The following ZDHHC15 variants were observed in gnomAD, a reference collection of about 807,000 sequenced individuals.
ZDHHC15 encodes the protein zDHHC palmitoyltransferase 15, also known as palmitoyltransferase ZDHHC15.
In ZDHHC15, 19 loss-of-function variants were observed where a neutral mutation model predicts 31.7. The ratio of observed to expected loss-of-function variants is 0.60; its 90% CI spans 0.42 to 0.88. The LOEUF (loss-of-function observed/expected upper bound fraction) is 0.88, where lower values mean the gene tolerates loss of function less well. Ranked by LOEUF, ZDHHC15 falls within the 40% of genes least tolerant of loss-of-function variation. The pLI, the probability that ZDHHC15 is intolerant of heterozygous loss-of-function variation, is 0.00. For missense variants in ZDHHC15, 209 were observed against 251.2 expected, an observed-to-expected ratio of 0.83 and a Z score of 1.14; for synonymous variants, 103 against 90.0, an observed-to-expected ratio of 1.14 and a Z score of -0.82.
chrX:75,444,652 A>G (rs1237179995), intron 4 of ZDHHC15, among the ~76,000 whole-genome samples: 1 of 9,453 alleles, frequency 1.1e-4, no homozygotes, highest in African/African-American at 1.6e-4. Context: ...ATATATATAT[A>G]TATATATATA....
chrX:75,400,266 C>T (rs2083342484), intron 10 of ZDHHC15, among the ~76,000 whole-genome samples: 1 of 111,187 alleles, frequency 9.0e-6, no homozygotes, highest in Non-Finnish European at 1.9e-5. Context: ...GATAAAATAG[C>T]CAGTATAAAA....
intron 4 of ZDHHC15, among the ~76,000 whole-genome samples, chrX:75,436,101 C>T (rs2147872837): frequency 9.0e-6 from 1 of 111,221 alleles, no homozygotes; most frequent in African/African-American, 3.3e-5. Context: ...ATTTATCCAT[C>T]TCCTCTAAAT....
chrX:75,396,089 C>T (rs988644392), intron 10 of ZDHHC15, among the ~76,000 whole-genome samples: 15 of 111,961 alleles, frequency 1.3e-4, no homozygotes, highest in Admixed American at 1.1e-3. Context: ...GAATTGGCAA[C>T]GATGTGTTGA....
intron 1 of ZDHHC15, 73 bp from the exon 2 acceptor site, chrX:75,505,920 G>C (rs758752164): frequency 1.0e-6 from 1 of 956,511 alleles, no homozygotes; most frequent in South Asian, 2.0e-5. Context: ...AGAGAAATTA[G>C]TTATATTTAA....
intron 4 of ZDHHC15, among the ~76,000 whole-genome samples, chrX:75,439,176 C>T (rs1192780186): frequency 3.6e-5 from 4 of 111,659 alleles, no homozygotes; most frequent in Non-Finnish European, 7.5e-5. Flanking sequence ...GTTCTTTGAG[C>T]TTCTGTATTT....
chrX:75,497,392 T>G (rs1422302076), intron 2 of ZDHHC15, among the ~76,000 whole-genome samples: 2 of 111,896 alleles, frequency 1.8e-5, no homozygotes. Flanking sequence ...CACAGCTGAA[T>G]TCTATCAGAC....
rs1201760551 is a variant in ZDHHC15, at chrX:75,437,159, G to A, written c.380-5639C>T. 5.4e-5 allele frequency among the ~76,000 whole-genome samples: 6 copies of A among 111,382 alleles called. No homozygotes were observed. The Admixed American group carries it at 5.7e-4, about 11-fold the overall frequency. ...GCCACCCAAAGTGCTGGGATTACAG[G>A]CCTGAGCCACCGCGCCAAGCCCCTG... On this transcript the variant is annotated intron_variant, in intron 4 of 11. Coordinates refer to ENST00000373367, the MANE Select transcript of ZDHHC15 (RefSeq NM_144969.3).
chrX:75,373,926 G>GTTTTTTTGTTTTTTT (rs2083028017), intron 11 of ZDHHC15, among the ~76,000 whole-genome samples: 1 of 50,454 alleles, frequency 2.0e-5, no homozygotes, highest in Non-Finnish European at 3.4e-5. Flanking sequence ...CATTCTTTCT[G>GTTTTTTTGTTTTTTT]TTTTTTTTTT....
intron 2 of ZDHHC15, among the ~76,000 whole-genome samples, chrX:75,486,911 G>T (rs761678363): frequency 5.4e-5 from 6 of 111,052 alleles, no homozygotes; most frequent in Non-Finnish European, 1.1e-4. Flanking sequence ...AACTGCCCTG[G>T]TTGCCAAAGA....
intron 10 of ZDHHC15, among the ~76,000 whole-genome samples, chrX:75,402,226 G>A (rs757367786): frequency 7.2e-5 from 8 of 111,801 alleles, no homozygotes; most frequent in Non-Finnish European, 1.5e-4. Flanking sequence ...GAATCTCTGG[G>A]ACACAGCTAG....
chrX:75,453,695 A>G (rs2084164829), intron 3 of ZDHHC15, among the ~76,000 whole-genome samples: 1 of 111,563 alleles, frequency 9.0e-6, no homozygotes, highest in South Asian at 3.9e-4. Context: ...CACCAAGATC[A>G]AATTGGCTTC....
At chrX:75,455,049 C>T (rs1370653529) in intron 3 of ZDHHC15, among the ~76,000 whole-genome samples, 9 of 111,318 alleles carry the variant, frequency 8.1e-5, no homozygotes, top group African/African-American at 2.0e-4. Flanking sequence ...AAAAAGAGCC[C>T]GAATTGCCAA....
chrX:75,508,400 G>GT (rs1197553616), intron 1 of ZDHHC15, among the ~76,000 whole-genome samples: 1 of 100,685 alleles, frequency 9.9e-6, no homozygotes, highest in Non-Finnish European at 2.0e-5. Context: ...GCAGTGTTTG[G>GT]TTTTTTTTGT....
chrX:75,465,030 T>G (rs942524890), intron 3 of ZDHHC15, among the ~76,000 whole-genome samples: 2 of 112,179 alleles, frequency 1.8e-5, no homozygotes, highest in African/African-American at 6.5e-5. Context: ...TGTTTGCACA[T>G]GACATGATCC....
chrX:75,470,668 G>A (rs1365172368), intron 3 of ZDHHC15, among the ~76,000 whole-genome samples: 1 of 111,191 alleles, frequency 9.0e-6, no homozygotes, highest in East Asian at 2.8e-4. Context: ...GGTAATTAAT[G>A]GAGTTTTAGC....
At chrX:75,377,353 C>T (rs1365065411) in intron 11 of ZDHHC15, among the ~76,000 whole-genome samples, 2 of 109,884 alleles carry the variant, frequency 1.8e-5, no homozygotes, top group South Asian at 4.0e-4. Context: ...AAAAAGCAGC[C>T]GGGCGTGGTG....
At chrX:75,380,856 T>G (rs777345516) in intron 10 of ZDHHC15, among the ~76,000 whole-genome samples, 100 of 111,631 alleles carry the variant, frequency 9.0e-4, no homozygotes, top group Non-Finnish European at 1.6e-3. Flanking sequence ...AGTCTTAGTG[T>G]GTGCTGGTTA....
intron 10 of ZDHHC15, among the ~76,000 whole-genome samples, chrX:75,416,364 C>G (rs1329518771): frequency 1.8e-5 from 2 of 112,118 alleles, no homozygotes; most frequent in African/African-American, 6.5e-5. Flanking sequence ...TTGCTGCCAG[C>G]TACTGCATTA....
At chrX:75,495,223 A>G (rs183627029) in intron 2 of ZDHHC15, among the ~76,000 whole-genome samples, 77 of 112,279 alleles carry the variant, frequency 6.9e-4, no homozygotes, top group African/African-American at 2.4e-3. Flanking sequence ...AATCAAAACC[A>G]CAATGAGATA....
Sources: allele counts gnomAD v4.1 joint callset (sites outside exome capture counted in the v4.1 genomes callset), GRCh38; gene constraint gnomAD v4.1.1; transcripts MANE v1.5; gene names NCBI Gene and HGNC (gene_info 2026-07-23, HGNC 2026-07-21).